Variants in LRRC56 observed in about 807,000 individuals in gnomAD.
LRRC56 encodes leucine rich repeat containing 56, also known as leucine-rich repeat-containing protein 56.
Under a neutral mutation model 47.8 loss-of-function variants are expected in LRRC56, and 41 were observed. The observed-to-expected ratio is 0.86, with a 90% confidence interval of 0.67 to 1.11. The LOEUF is 1.11. Among genes scored for constraint, LRRC56 ranks in the 50% most tolerant of loss-of-function variants. The probability of loss-of-function intolerance (pLI) is 0.00; values close to 1 mark genes in which losing one functional copy is unlikely to be tolerated. For missense variants in LRRC56, 759 were observed against 704.2 expected (o/e 1.08, Z -0.88); for synonymous variants, 387 against 311.2 (o/e 1.24, Z -2.56).
At chr11:509,878 C>T in the LRRC56 span, among the ~76,000 whole-genome samples, 1 of 151,886 alleles carries the variant, frequency 6.6e-6, no homozygotes, top group Non-Finnish European at 1.5e-5. Flanking sequence ...CTCGTTATGT[C>T]TTTATCTTAT....
the LRRC56 span, chr11:532,501 A>G: frequency 8.3e-7 from 1 of 1,210,718 alleles, no homozygotes. Flanking sequence ...TGCATCCGGC[A>G]CCTCCATGTC....
the LRRC56 span, chr11:507,406 T>C: frequency 1.5e-5 from 2 of 130,852 alleles, no homozygotes; most frequent in Non-Finnish European, 3.2e-5. Context: ...TGGTGGGGCG[T>C]GGCTCGGTGA....
At chr11:507,131 C>A in the LRRC56 span, 3 of 152,256 alleles carry the variant, frequency 2.0e-5, no homozygotes, top group Non-Finnish European at 4.4e-5. Flanking sequence ...GACTGGCGGA[C>A]GGTCGCGGGC....
chr11:554,858 A>G lies in LRRC56; in HGVS notation c.*582A>G, dbSNP rs1852682661. The G allele has an allele frequency of 1.5e-6, 1 of 685,302 alleles. No homozygotes were observed. Among genetic ancestry groups the G allele is most frequent in the Admixed American group, 3.9e-5 (1 of 25,832 alleles). The allele number at this position is 685,302 out of a possible 1,614,324, so 42.5% of individuals were successfully genotyped here. ...ACCAACATTTCCAGCTCTCAGGTGT[A>G]CAGAAATGCGGTTTACTTTGTAGGC... On this transcript the variant is annotated 3_prime_UTR_variant, in exon 14 of 14. Coordinates refer to ENST00000270115, the MANE Select transcript of LRRC56 (RefSeq NM_198075.4).
chr11:554,677 A>C lies in LRRC56; in HGVS notation c.*401A>C. ...CCTTGCCGGCCCCAGGGTAAGAGCC[A>C]CCTCCTAGGCCGCAGTGGCCCAAGG... On this transcript the variant is annotated 3_prime_UTR_variant, in exon 14 of 14. Transcript: ENST00000270115. 2.4e-6 allele frequency: 1 copy of C among 411,830 alleles called. No individual in the cohort carries two copies. Among genetic ancestry groups the C allele is most frequent in the Non-Finnish European group, 4.4e-6 (1 of 229,604 alleles). 25.5% of individuals were successfully genotyped at this position (411,830 alleles called of 1,614,324 possible).
intron 5 of LRRC56, 60 bp from the exon 6 acceptor site, chr11:544,660 G>C: frequency 1.3e-6 from 2 of 1,555,812 alleles, no homozygotes; most frequent in Non-Finnish European, 1.8e-6. Context: ...GGGTGAAGGA[G>C]GGTGCAGAGG....
In LRRC56 at chr11:554,219, A is replaced by G; in HGVS notation, c.1572A>G (p.Ala524=). The G allele has an allele frequency of 6.5e-7, 1 of 1,527,030 alleles. No individual in the cohort carries two copies. The highest frequency in any genetic ancestry group is 8.8e-7 in the Non-Finnish European group (1 of 1,139,526). The allele number at this position is 1,527,030 out of a possible 1,614,324, so 94.6% of individuals were successfully genotyped here. A position where few individuals can be genotyped will look rare whatever the true frequency, so the allele number is the denominator to read the frequency against. ...GCPGPKPAPD[A]AARPPRAAEL... ...CTGGCCCAAAGCCAGCACCAGATGC[A>G]GCAGCTAGACCTCCCAGGGCAGCTG... is the stretch of plus-strand genomic sequence containing the variant. Residue 524 remains alanine (A), a synonymous_variant, in exon 14 of 14, where the codon GCA becomes GCG. Coordinates refer to ENST00000270115, the MANE Select transcript of LRRC56 (RefSeq NM_198075.4).
Position 548,813 on chromosome 11 carries a change from T to C in LRRC56, c.327-1089T>C, listed in dbSNP as rs189960200. On this transcript the variant is annotated intron_variant, in intron 6 of 13. Coordinates refer to ENST00000270115, the MANE Select transcript of LRRC56 (RefSeq NM_198075.4). The stretch of plus-strand genomic sequence containing the variant: ...AAGTGCTCCTTAGACGTCGCCACAG[T>C]GGACACTGGAACGAAAGGCTTTGCA... Among the ~76,000 whole-genome samples the C allele has an allele frequency of 1.7e-3, 263 of 152,176 alleles. 1 individual carries two copies. The highest frequency in any genetic ancestry group is 6.2e-3 in the African/African-American group (256 of 41,504).
intron 5 of LRRC56, among the ~76,000 whole-genome samples, chr11:544,327 G>A (rs1027712733): frequency 6.6e-6 from 1 of 152,202 alleles, no homozygotes; most frequent in Non-Finnish European, 1.5e-5. Flanking sequence ...CCAGTTCTCT[G>A]AGCCAACTCT....
chr11:506,697 G>A, the LRRC56 span: 2 of 152,354 alleles, frequency 1.3e-5, no homozygotes, highest in African/African-American at 4.8e-5. Context: ...GGGGGAATAA[G>A]GTCAAGGATT....
At chr11:527,542 G>T in the LRRC56 span, among the ~76,000 whole-genome samples, 1 of 151,880 alleles carries the variant, frequency 6.6e-6, no homozygotes, top group Non-Finnish European at 1.5e-5. Context: ...TTTAGTTTTG[G>T]TTTTTTTGAG....
At chr11:549,834 G>C in intron 6 of LRRC56, 68 bp from the exon 7 acceptor site, 1 of 1,430,250 alleles carries the variant, frequency 7.0e-7, no homozygotes, top group Non-Finnish European at 9.8e-7. Context: ...CCTGAAGACA[G>C]CCAAAGGCAG....
the LRRC56 span, among the ~76,000 whole-genome samples, chr11:514,152 C>T: frequency 3.3e-5 from 5 of 152,040 alleles, no homozygotes; most frequent in East Asian, 3.9e-4. Flanking sequence ...CCACCACACC[C>T]GGCTGATTTT....
At chr11:547,957 A>G (rs997993966) in intron 6 of LRRC56, among the ~76,000 whole-genome samples, 2 of 151,868 alleles carry the variant, frequency 1.3e-5, no homozygotes, top group Non-Finnish European at 2.9e-5. Context: ...GAAACCCCGT[A>G]TCTACTAAAA....
chr11:537,364 G>C (rs1305395932), upstream of LRRC56: 1 of 152,250 alleles, frequency 6.6e-6, no homozygotes, highest in African/African-American at 2.4e-5. Flanking sequence ...GCACGTGCCA[G>C]TCCACGTGGC....
In LRRC56 at chr11:540,821, G is replaced by A; in HGVS notation, c.137G>A (p.Gly46Glu). Residue 46 changes from glycine (G) to glutamate (E), a missense_variant, in exon 4 of 14, where the codon GGA (glycine) becomes GAA (glutamate). Physicochemically the swap from Gly to Glu is moderately conservative, Grantham distance 98. Coordinates refer to ENST00000270115, the MANE Select transcript of LRRC56 (RefSeq NM_198075.4). Reference sequence around the variant, plus strand: ...CCTGGCAGTCAGAGGGACAGACTTGGAGAGCAGCTGGTGGAAGAGTACCTG... The same window carrying A: ...CCTGGCAGTCAGAGGGACAGACTTGAAGAGCAGCTGGTGGAAGAGTACCTG... ...KGPGSQRDRL[G>E]EQLVEEYLSP... is the part of the protein sequence containing the mutation. 1 of 1,592,152 alleles carries A rather than the reference G, an allele frequency of 6.3e-7. No individual in the cohort carries two copies. Among genetic ancestry groups the A allele is most frequent in the Non-Finnish European group, 8.5e-7 (1 of 1,170,032 alleles).
chr11:551,198 A>C lies in LRRC56; in HGVS notation c.692A>C (p.Glu231Ala), dbSNP rs767709360. ...ATTCCCCAGCTGCAGGTCCTGGACG[A>C]AGTGCCGGCCGCACACACAGGCCCA... ...KLIPQLQVLD[E>A]VPAAHTGPPA... The change falls in exon 9 of 14, where the codon GAA becomes GCA. Residue 231 changes from glutamate to alanine, a missense_variant. Physicochemically the swap from Glu to Ala is moderately radical, Grantham distance 107 (BLOSUM62 -1). Coordinates refer to ENST00000270115, the MANE Select transcript of LRRC56 (RefSeq NM_198075.4). The C allele has an allele frequency of 7.1e-6, 11 of 1,546,494 alleles. No homozygotes were observed. The South Asian group carries it at 9.6e-5, about 13-fold the overall frequency.
At chr11:528,392 G>C in the LRRC56 span, 1 of 152,198 alleles carries the variant, frequency 6.6e-6, no homozygotes, top group Admixed American at 6.5e-5. Flanking sequence ...GCCCAGCAGG[G>C]CCTGTCAATC....
upstream of LRRC56, chr11:533,641 C>A (rs746444701): frequency 5.0e-6 from 8 of 1,613,432 alleles, no homozygotes; most frequent in South Asian, 1.1e-5. Flanking sequence ...GAGCTGGCTA[C>A]GGGGGCTGCA....
Sources: gnomAD v4.1 joint callset for allele counts (sites outside exome capture counted in the v4.1 genomes callset) on GRCh38, gnomAD v4.1.1 for gene constraint, MANE v1.5 for transcripts, NCBI Gene and HGNC (gene_info 2026-07-23, HGNC 2026-07-21) for gene names.